The following NBPF15 variants were observed in gnomAD, a reference collection of about 807,000 sequenced individuals.
NBPF15 encodes NBPF family member NBPF15.
In NBPF15, 74 loss-of-function variants were observed where a neutral mutation model predicts 62.2. The observed-to-expected ratio is 1.19, with a 90% CI of 0.99 to 1.44. The LOEUF (loss-of-function observed/expected upper bound fraction) is 1.44. Among genes scored for constraint, NBPF15 ranks in the 40% most tolerant of loss-of-function variants. The pLI, the probability that NBPF15 is intolerant of heterozygous loss-of-function variation, is 0.00. For synonymous variants in NBPF15, 244 were observed against 209.7 expected (o/e 1.16, Z -1.41); for missense variants, 790 against 550.0 (o/e 1.44, Z -4.36).
Position 144,440,307 on chromosome 1 carries a change from A to G in NBPF15, c.-190-12T>C. The G allele has an allele frequency of 2.2e-6, 3 of 1,347,368 alleles. No individual in the cohort carries two copies. Among genetic ancestry groups the G allele is most frequent in the East Asian group, 2.5e-5 (1 of 40,038 alleles). 83.5% of individuals were successfully genotyped at this position (1,347,368 alleles called of 1,614,324 possible). A position where few individuals can be genotyped will look rare whatever the true frequency, so the allele number is the denominator to read the frequency against. ...TGCCAGGTAACCGTCTGCAGTTGCA[A>G]TAACAGAATTAGAAGGTGGGGGTGT... On this transcript the variant is annotated splice_polypyrimidine_tract_variant and intron_variant, in intron 6 of 21. Transcript: ENST00000581897.
At chr1:144,458,994 C>A (rs1276959306) in intron 3 of NBPF15, among the ~76,000 whole-genome samples, 4 of 150,958 alleles carry the variant, frequency 2.6e-5, no homozygotes, top group Non-Finnish European at 5.9e-5. Context: ...GAGCTGAGAT[C>A]CTGCCACGGC....
intron 14 of NBPF15, among the ~76,000 whole-genome samples, chr1:144,428,903 T>C (rs1486106344): frequency 2.6e-5 from 4 of 152,018 alleles, no homozygotes; most frequent in African/African-American, 4.8e-5. Context: ...CTGTCCTAGG[T>C]TTATGTACAC....
At chr1:144,423,550 G>C (rs1382555233) in intron 21 of NBPF15, among the ~76,000 whole-genome samples, 1 of 151,936 alleles carries the variant, frequency 6.6e-6, no homozygotes, top group Admixed American at 6.6e-5. Context: ...CTCTGAGTTA[G>C]TGCCCTCATG....
chr1:144,453,752 T>C (rs1692725052), intron 4 of NBPF15, among the ~76,000 whole-genome samples: 1 of 143,454 alleles, frequency 7.0e-6, no homozygotes, highest in Admixed American at 7.0e-5. Flanking sequence ...TGTGAGGGAA[T>C]TGCACATTAA....
At chr1:144,457,255 T>G (rs1238804106) in intron 3 of NBPF15, among the ~76,000 whole-genome samples, 2 of 152,052 alleles carry the variant, frequency 1.3e-5, no homozygotes, top group Non-Finnish European at 2.9e-5. Context: ...ATTCGATTCT[T>G]TCTGTTAGGG....
rs377640780 is a variant in NBPF15 at position 144,451,337 on chromosome 1, G to C, written c.-431-467C>G. The stretch of plus-strand genomic sequence containing the variant: ...GGGATATACAATCGGGCTTTACACC[G>C]AGACATTCCATTGCCCAGGGATGAG... On this transcript the variant is annotated intron_variant, in intron 4 of 21. Transcript: ENST00000581897. Among the ~76,000 whole-genome samples, 9 of 151,810 alleles carry C rather than the reference G, an allele frequency of 5.9e-5. 1 individual carries two copies. The East Asian group carries it at 9.7e-4, about 16-fold the overall frequency.
chr1:144,451,862 C>T lies in NBPF15; in HGVS notation c.-431-992G>A, dbSNP rs190299034. ...ACAATCTGATATCTCTTTCTTTTCC[C>T]CACAGTTCAGGTCAGGCCGTGGCTC... is the stretch of plus-strand genomic sequence containing the variant. On this transcript the variant is annotated intron_variant, in intron 4 of 21. Transcript: ENST00000581897. Among the ~76,000 whole-genome samples, 253 of 151,508 alleles carry T rather than the reference C, an allele frequency of 1.7e-3. 2 individuals carry two copies. The highest frequency in any genetic ancestry group is 6.0e-3 in the African/African-American group (244 of 40,980).
intron 2 of NBPF15, among the ~76,000 whole-genome samples, chr1:144,459,960 C>T (rs1651331005): frequency 1.3e-5 from 2 of 150,826 alleles, no homozygotes; most frequent in Non-Finnish European, 3.0e-5. Flanking sequence ...ACAAATATAC[C>T]CCAGTCTAGT....
intron 16 of NBPF15, among the ~76,000 whole-genome samples, chr1:144,427,451 G>T (rs1441091811): frequency 1.3e-5 from 2 of 149,752 alleles, no homozygotes; most frequent in Non-Finnish European, 3.0e-5. Flanking sequence ...CAAATACTCA[G>T]ATTGTTCATG....
chr1:144,424,569 C>T, intron 20 of NBPF15, 121 bp downstream of exon 20: 2 of 642,204 alleles, frequency 3.1e-6, no homozygotes, highest in South Asian at 3.9e-5. Context: ...CTACATGTGC[C>T]TATAGGTCCT....
chr1:144,427,051 G>A lies in NBPF15; in HGVS notation c.1261C>T (p.Pro421Ser). ...TCCATAATTGCTCAAAGTTACCTGGGGCATGATGGGTCTTGGTCTTCTTCC... is the reference window on the plus strand; with the variant it reads ...TCCATAATTGCTCAAAGTTACCTGGAGCATGATGGGTCTTGGTCTTCTTCC... ...EVEEDQDPSCPRLSRELLDEK... is the reference protein window; with the variant it reads ...EVEEDQDPSCSRLSRELLDEK... Residue 421 changes from proline to serine, a missense_variant, in exon 17 of 22, where the codon CCC becomes TCC. Pro to Ser is a moderately conservative substitution (Grantham distance 74). Transcript: ENST00000581897. The A allele has an allele frequency of 1.3e-6, 1 of 742,998 alleles. No homozygotes were observed. 46.0% of individuals were successfully genotyped at this position (742,998 alleles called of 1,614,324 possible). A position where few individuals can be genotyped will look rare whatever the true frequency, so the allele number is the denominator to read the frequency against.
chr1:144,451,115 A>C (rs1197132364), intron 4 of NBPF15, among the ~76,000 whole-genome samples: 2 of 151,842 alleles, frequency 1.3e-5, no homozygotes, highest in Non-Finnish European at 2.9e-5. Context: ...ATGTGGCAGG[A>C]CAATAGGATA....
At chr1:144,444,627 C>T (rs868922905) in intron 6 of NBPF15, among the ~76,000 whole-genome samples, 3 of 151,888 alleles carry the variant, frequency 2.0e-5, no homozygotes, top group Non-Finnish European at 4.4e-5. Flanking sequence ...AAGTTAATCA[C>T]TTATGTATTT....
At chr1:144,425,059 G>GACACAC (rs199782361) in intron 19 of NBPF15, among the ~76,000 whole-genome samples, 197 bp from the exon 20 acceptor site, 122 of 92,506 alleles carry the variant, frequency 1.3e-3, no homozygotes, top group African/African-American at 1.9e-3. Context: ...AAGACAGATA[G>GACACAC]ACACACACAC....
At chr1:144,440,780 G>A (rs1249194975) in intron 6 of NBPF15, among the ~76,000 whole-genome samples, 2 of 149,792 alleles carry the variant, frequency 1.3e-5, no homozygotes, top group African/African-American at 4.9e-5. Context: ...AGACTCCCAA[G>A]TAGTTGGGAA....
chr1:144,451,534 T>C (rs1285398816), intron 4 of NBPF15, among the ~76,000 whole-genome samples: 1 of 151,910 alleles, frequency 6.6e-6, no homozygotes, highest in Non-Finnish European at 1.5e-5. Flanking sequence ...CCTTGGACAA[T>C]ACCTGGCTTT....
chr1:144,455,594 C>T (rs1693961819), intron 4 of NBPF15, among the ~76,000 whole-genome samples: 1 of 152,006 alleles, frequency 6.6e-6, no homozygotes, highest in South Asian at 2.1e-4. Context: ...CCCTGCTGCT[C>T]CTTGTCCACT....
intron 8 of NBPF15, among the ~76,000 whole-genome samples, chr1:144,439,388 T>C (rs1681155501): frequency 6.6e-6 from 1 of 152,052 alleles, no homozygotes; most frequent in Non-Finnish European, 1.5e-5. Context: ...ATCACCAAGT[T>C]TCCCTCAGAG....
In NBPF15 at chr1:144,449,636, C is replaced by T. The variant is rs587632677; in HGVS notation, c.-332-720G>A. Among the ~76,000 whole-genome samples, 10 of 151,924 alleles carry T rather than the reference C, an allele frequency of 6.6e-5. 1 individual carries two copies. Among genetic ancestry groups the T allele is most frequent in the African/African-American group, 2.2e-4 (9 of 41,350 alleles). ...TTTCAAGAAATGCAGAGCAGAGAGC[C>T]CAGAGGTAAAGACCCACAGGACAGA... is the stretch of plus-strand genomic sequence containing the variant. On this transcript the variant is annotated intron_variant, in intron 5 of 21. Coordinates refer to ENST00000581897, the MANE Select transcript of NBPF15 (RefSeq NM_001385408.1).
Sources: allele counts gnomAD v4.1 joint callset (sites outside exome capture counted in the v4.1 genomes callset), GRCh38; gene constraint gnomAD v4.1.1; transcripts MANE v1.5; gene names NCBI Gene and HGNC (gene_info 2026-07-23, HGNC 2026-07-21).